The following SLC38A1 variants were observed in gnomAD, a reference collection of about 807,000 sequenced individuals.
The protein encoded by SLC38A1 is sodium-coupled neutral amino acid symporter 1.
A neutral mutation model predicts 60.3 loss-of-function variants in SLC38A1; 18 were observed. That is an observed-to-expected ratio of 0.30 (90% CI 0.21 to 0.44). SLC38A1 has a LOEUF of 0.44. Among genes scored for constraint, SLC38A1 ranks in the 20% least tolerant of loss-of-function variants. The probability of loss-of-function intolerance (pLI) is 1.00; values close to 1 mark genes in which losing one functional copy is unlikely to be tolerated. For synonymous variants in SLC38A1, 196 were observed against 212.1 expected (o/e 0.92, Z 0.66); for missense variants, 448 against 587.2 (o/e 0.76, Z 2.45).
intron 5 of SLC38A1, among the ~76,000 whole-genome samples, chr12:46,227,734 G>A (rs1940920615): frequency 6.6e-6 from 1 of 152,188 alleles, no homozygotes; most frequent in African/African-American, 2.4e-5. Flanking sequence ...CAGAACCATA[G>A]CGTTTTGGAG....
chr12:46,206,278 T>C, intron 8 of SLC38A1, 116 bp from the exon 9 acceptor site: 1 of 540,482 alleles, frequency 1.9e-6, no homozygotes, highest in Non-Finnish European at 3.2e-6. Flanking sequence ...ACTATATGCA[T>C]TAATTTTTAA....
At position 46,229,622 on chromosome 12, in the gene SLC38A1, C is replaced by A. The variant is rs375531906; in HGVS notation, c.140G>T (p.Arg47Leu). ...GTTTGTGAGACTTCTTCTACTTTCA[C>A]GATCAGAAATAAACTTGCTGTAAAG... ...GQINSKFISD[R>L]ESRRSLTNSH... The change falls in exon 4 of 17, where the codon CGT (arginine) becomes CTT (leucine). Residue 47 changes from arginine (R) to leucine (L), a missense_variant. Physicochemically the swap from Arg to Leu is moderately radical, Grantham distance 102 (BLOSUM62 -2). This residue lies in a region of SLC38A1 where 102 missense variants were observed against 89.7 expected (regional missense o/e 1.14). Coordinates refer to ENST00000398637, the MANE Select transcript of SLC38A1 (RefSeq NM_030674.4). The A allele has an allele frequency of 6.2e-7, 1 of 1,613,484 alleles. No individual in the cohort carries two copies. Among genetic ancestry groups the A allele is most frequent in the Non-Finnish European group, 8.5e-7 (1 of 1,179,738 alleles).
intron 3 of SLC38A1, 189 bp downstream of exon 3, chr12:46,239,490 A>AT: frequency 2.1e-6 from 1 of 485,048 alleles, no homozygotes; most frequent in Admixed American, 3.3e-5. Context: ...TGCCTGGCTA[A>AT]TTTTTTGTAT....
At chr12:46,243,738 T>A (rs998130515) in intron 1 of SLC38A1, among the ~76,000 whole-genome samples, 13 of 152,202 alleles carry the variant, frequency 8.5e-5, no homozygotes, top group African/African-American at 2.9e-4. Flanking sequence ...CATGTGAAGA[T>A]CTTGGTGTTA....
intron 5 of SLC38A1, among the ~76,000 whole-genome samples, chr12:46,215,476 A>G (rs1166078796): frequency 1.3e-5 from 2 of 151,974 alleles, no homozygotes; most frequent in African/African-American, 4.8e-5. Context: ...CAGTGGCACA[A>G]TCTTGGCTCA....
rs1194919677 is a variant in SLC38A1 at position 46,201,114 on chromosome 12, G to A, written c.987C>T (p.Gly329=). ...FVMYFLTAIF[G]YLTFYDNVQS... is the part of the protein sequence containing the mutation. ...ATTACTTACCATAGAATGTCAAGTA[G>A]CCAAAAATGGCAGTCAAGAAGTACA... is the stretch of plus-strand genomic sequence containing the variant. The change falls in exon 13 of 17, where the codon GGC becomes GGT. Residue 329 remains glycine, a synonymous_variant. Coordinates refer to ENST00000398637, the MANE Select transcript of SLC38A1 (RefSeq NM_030674.4). 6.2e-7 allele frequency: 1 copy of A among 1,611,628 alleles called. No homozygotes were observed. Among genetic ancestry groups the A allele is most frequent in the Non-Finnish European group, 8.5e-7 (1 of 1,178,502 alleles).
intron 16 of SLC38A1, among the ~76,000 whole-genome samples, chr12:46,193,449 G>A (rs757826402): frequency 1.3e-5 from 2 of 152,152 alleles, no homozygotes; most frequent in African/African-American, 2.4e-5. Flanking sequence ...TATGAGGTCC[G>A]CTTGGTGCAG....
At chr12:46,258,317 T>C (rs151084243) in intron 1 of SLC38A1, among the ~76,000 whole-genome samples, 2,554 of 152,354 alleles carry the variant, frequency 0.017, 37 homozygotes, top group Non-Finnish European at 0.027. Context: ...CTATTTAAGA[T>C]GGAGTTGCTC....
chr12:46,208,116 A>T (rs1939990483), intron 6 of SLC38A1, among the ~76,000 whole-genome samples: 1 of 152,220 alleles, frequency 6.6e-6, no homozygotes, highest in Non-Finnish European at 1.5e-5. Context: ...CAAGCTTAGA[A>T]ACATTTTAAT....
At chr12:46,192,261 C>A (rs1011820788) in intron 16 of SLC38A1, among the ~76,000 whole-genome samples, 1 of 152,188 alleles carries the variant, frequency 6.6e-6, no homozygotes, top group East Asian at 1.9e-4. Flanking sequence ...GTTGAAGCAG[C>A]CTTGCATCCC....
intron 12 of SLC38A1, among the ~76,000 whole-genome samples, chr12:46,201,424 AT>A: frequency 6.6e-6 from 1 of 152,192 alleles, no homozygotes; most frequent in Non-Finnish European, 1.5e-5. Context: ...GTTCTTCCCC[AT>A]TCTTTTAAAA....
Position 46,184,126 on chromosome 12 carries a change from A to G in SLC38A1, c.*4844T>C, listed in dbSNP as rs369523284. Reference sequence around the variant, plus strand: ...AGTTTCATAGCCCTTCCTTAGATAAAAGCCTAAAGAAGGAAAATGTCTGCA... The same window carrying G: ...AGTTTCATAGCCCTTCCTTAGATAAGAGCCTAAAGAAGGAAAATGTCTGCA... On this transcript the variant is annotated 3_prime_UTR_variant, in exon 17 of 17. Coordinates refer to ENST00000398637, the MANE Select transcript of SLC38A1 (RefSeq NM_030674.4). The G allele has an allele frequency of 1.3e-5, 2 of 152,762 alleles. No homozygotes were observed. Among genetic ancestry groups the G allele is most frequent in the African/African-American group, 4.8e-5 (2 of 41,574 alleles). 9.5% of individuals were successfully genotyped at this position (152,762 alleles called of 1,614,324 possible).
chr12:46,211,658 G>A (rs1244623134), intron 5 of SLC38A1, among the ~76,000 whole-genome samples: 1 of 152,194 alleles, frequency 6.6e-6, no homozygotes, highest in South Asian at 2.1e-4. Flanking sequence ...CCGGAGAAAA[G>A]TGTTGATTAG....
rs1941035926 is a variant in SLC38A1 at position 46,230,553 on chromosome 12, T to C, written c.123-914A>G. On this transcript the variant is annotated intron_variant, in intron 3 of 16. Transcript: ENST00000398637. ...ACATGTTAAACATCAGTCCAGCACC[T>C]GGCACAGAGTAACAGCAATAGATGT... 1.3e-5 allele frequency among the ~76,000 whole-genome samples: 2 copies of C among 152,188 alleles called. 1 individual carries two copies. The highest frequency in any genetic ancestry group is 4.1e-4 in the South Asian group (2 of 4,824).
intron 9 of SLC38A1, among the ~76,000 whole-genome samples, chr12:46,204,960 A>G (rs181672950): frequency 7.6e-4 from 115 of 152,296 alleles, no homozygotes; most frequent in African/African-American, 2.7e-3. Context: ...CTATGGGCAA[A>G]CCCATTTACT....
chr12:46,250,041 G>T (rs931662299), intron 1 of SLC38A1, among the ~76,000 whole-genome samples: 2 of 152,058 alleles, frequency 1.3e-5, no homozygotes, highest in African/African-American at 4.8e-5. Context: ...CAAAAAAAGA[G>T]AATTTTAGGC....
chr12:46,189,170 G>T, intron 16 of SLC38A1, 99 bp from the exon 17 acceptor site: 1 of 784,984 alleles, frequency 1.3e-6, no homozygotes. Context: ...CTCCCTTTGT[G>T]TCCTCTGGTA....
intron 1 of SLC38A1, among the ~76,000 whole-genome samples, chr12:46,259,395 C>T (rs553491763): frequency 2.6e-4 from 40 of 152,232 alleles, no homozygotes; most frequent in African/African-American, 8.7e-4. Context: ...ATACTGTTAG[C>T]AAGGCTTCAT....
intron 6 of SLC38A1, 58 bp downstream of exon 6, chr12:46,208,996 G>T: frequency 8.5e-7 from 1 of 1,180,040 alleles, no homozygotes; most frequent in Non-Finnish European, 1.3e-6. Flanking sequence ...GTTCCACAAT[G>T]CTACCATAAA....
Sources: allele counts gnomAD v4.1 joint callset (sites outside exome capture counted in the v4.1 genomes callset), GRCh38; gene constraint gnomAD v4.1.1; regional missense constraint gnomAD v4.1.1; transcripts MANE v1.5; gene names NCBI Gene and HGNC (gene_info 2026-07-23, HGNC 2026-07-21).